LRRCC1: variants seen among roughly 807,000 people sequenced by gnomAD.
The protein encoded by LRRCC1 is leucine rich repeat and coiled-coil centrosomal protein 1.
Under a neutral mutation model 126.0 loss-of-function variants are expected in LRRCC1, and 115 were observed. The observed-to-expected ratio is 0.91, with a 90% CI of 0.78 to 1.07. The LOEUF (loss-of-function observed/expected upper bound fraction) is 1.07. Among genes scored for constraint, LRRCC1 ranks in the 50% least tolerant of loss-of-function variants. LRRCC1 has a pLI of 0.00. For missense variants in LRRCC1, 1,172 were observed against 1,175.7 expected, an observed-to-expected ratio of 1.00 and a Z score of 0.05; for synonymous variants, 400 against 393.4, an observed-to-expected ratio of 1.02 and a Z score of -0.20.
At chr8:85,139,282 G>A (rs765536260) in intron 17 of LRRCC1, among the ~76,000 whole-genome samples, 1 of 151,954 alleles carries the variant, frequency 6.6e-6, no homozygotes, top group Non-Finnish European at 1.5e-5. Context: ...TTGTTTTTCC[G>A]AGACTGAGTT....
chr8:85,125,098 T>C (rs1217663299), intron 8 of LRRCC1, among the ~76,000 whole-genome samples, 159 bp downstream of exon 8: 2 of 152,208 alleles, frequency 1.3e-5, no homozygotes, highest in Admixed American at 6.5e-5. Context: ...TTTTATGTAA[T>C]GTTATTTTTG....
chr8:85,118,066 A>G (rs963327479), intron 6 of LRRCC1, among the ~76,000 whole-genome samples: 6 of 151,940 alleles, frequency 3.9e-5, no homozygotes, highest in Non-Finnish European at 8.8e-5. Flanking sequence ...CACTTTTCTT[A>G]TTTTTTGTCT....
intron 17 of LRRCC1, 119 bp downstream of exon 17, chr8:85,138,594 A>G: frequency 9.5e-7 from 1 of 1,051,876 alleles, no homozygotes; most frequent in South Asian, 1.7e-5. Context: ...ATTTGCCAAG[A>G]AGTTTATTTC....
chr8:85,136,009 A>G, intron 14 of LRRCC1, 46 bp downstream of exon 14: 3 of 1,446,666 alleles, frequency 2.1e-6, no homozygotes, highest in Non-Finnish European at 1.8e-6. Context: ...ATTCTTATAA[A>G]TGAGCAAATC....
In LRRCC1 at chr8:85,113,075, G is replaced by A. The variant is rs186950424; in HGVS notation, c.520G>A (p.Asp174Asn). 4.3e-4 allele frequency: 687 copies of A among 1,610,440 alleles called. 3 individuals carry two copies. The African/African-American group carries it at 7.9e-3, about 18-fold the overall frequency. The part of the protein sequence containing the change: ...TNLILEKDGD[D>N]NPVCRLPGYR... ...TCTTATTTTGGAGAAAGATGGAGAC[G>A]ATAATCCTGTCTGTCGACTGCCAGG... The change falls in exon 4 of 19, where the codon GAT (aspartate) becomes AAT (asparagine). Residue 174 changes from aspartate to asparagine, a missense_variant. Physicochemically the swap from Asp to Asn is conservative, Grantham distance 23. Transcript: ENST00000360375.
intron 11 of LRRCC1, among the ~76,000 whole-genome samples, chr8:85,130,452 G>A (rs975511542): frequency 2.0e-5 from 3 of 152,010 alleles, no homozygotes; most frequent in Admixed American, 2.0e-4. Flanking sequence ...CCCACCACCA[G>A]TATTTAAAGA....
At chr8:85,121,002 G>A (rs981234193) in intron 6 of LRRCC1, among the ~76,000 whole-genome samples, 7 of 152,126 alleles carry the variant, frequency 4.6e-5, no homozygotes, top group Admixed American at 3.3e-4. Context: ...TTTAACCTTT[G>A]GAGCAACTGC....
intron 4 of LRRCC1, 22 bp downstream of exon 4, chr8:85,113,121 T>C (rs750525075): frequency 1.3e-6 from 2 of 1,569,254 alleles, no homozygotes; most frequent in African/African-American, 1.4e-5. Flanking sequence ...TAATTTAATA[T>C]TTTTTCTAAC....
chr8:85,119,222 T>C (rs1809338358), intron 6 of LRRCC1, among the ~76,000 whole-genome samples: 1 of 152,098 alleles, frequency 6.6e-6, no homozygotes, highest in Non-Finnish European at 1.5e-5. Flanking sequence ...TTCATCTCAT[T>C]ATCAGCATAA....
At chr8:85,130,236 C>T (rs536231959) in intron 11 of LRRCC1, among the ~76,000 whole-genome samples, 178 bp downstream of exon 11, 7 of 150,980 alleles carry the variant, frequency 4.6e-5, no homozygotes, top group Middle Eastern at 3.4e-3. Flanking sequence ...CCCGAGTTCA[C>T]GCCATTCTCC....
At chr8:85,110,035 T>C in intron 2 of LRRCC1, 80 bp from the exon 3 acceptor site, 1 of 673,690 alleles carries the variant, frequency 1.5e-6, no homozygotes. Flanking sequence ...CAGTCTGAAA[T>C]AACATTGTAA....
chr8:85,136,817 A>C (rs1810905006), intron 14 of LRRCC1, among the ~76,000 whole-genome samples: 1 of 151,952 alleles, frequency 6.6e-6, no homozygotes, highest in Non-Finnish European at 1.5e-5. Flanking sequence ...AAAATTATGA[A>C]TAGCTAGATA....
intron 6 of LRRCC1, 122 bp from the exon 7 acceptor site, chr8:85,123,291 C>A (rs1587397554): frequency 4.6e-6 from 3 of 653,414 alleles, no homozygotes; most frequent in East Asian, 6.4e-5. Flanking sequence ...TCTTTAATAT[C>A]AAACATTTCT....
At chr8:85,126,593 A>G in intron 8 of LRRCC1, 96 bp from the exon 9 acceptor site, 1 of 965,048 alleles carries the variant, frequency 1.0e-6, no homozygotes, top group African/African-American at 1.7e-5. Flanking sequence ...TCTTTGAAGT[A>G]GGTACTATTA....
chr8:85,144,476 T>A (rs11989293), intron 18 of LRRCC1, among the ~76,000 whole-genome samples: 5,128 of 27,068 alleles, frequency 0.19, 84 homozygotes, highest in South Asian at 0.33. Flanking sequence ...ATATATATAT[T>A]TTTTTTTTTT....
chr8:85,135,803 C>T lies in LRRCC1; in HGVS notation c.2169C>T (p.Thr723=). 2 of 1,541,952 alleles carry T rather than the reference C, an allele frequency of 1.3e-6. No individual in the cohort carries two copies. The highest frequency in any genetic ancestry group is 1.7e-6 in the Non-Finnish European group (2 of 1,143,942). ...GGAATATACAGAATCAAATCAACACCCTTGAAATTTTAATTGAAGATGACA... is the reference window on the plus strand; with the variant it reads ...GGAATATACAGAATCAAATCAACACTCTTGAAATTTTAATTGAAGATGACA... ...TAANLQNQIN[T]LEILIEDDKQ... is the part of the protein sequence containing the mutation. Residue 723 remains threonine (T), a synonymous_variant, in exon 14 of 19, where the codon ACC becomes ACT. Coordinates refer to ENST00000360375, the MANE Select transcript of LRRCC1 (RefSeq NM_033402.5).
intron 8 of LRRCC1, among the ~76,000 whole-genome samples, chr8:85,125,929 A>G (rs527282586): frequency 5.9e-5 from 9 of 152,202 alleles, no homozygotes; most frequent in South Asian, 4.2e-4. Flanking sequence ...CTTTGGACAC[A>G]CTTCATCTTT....
chr8:85,143,634 C>A (rs1423656085), intron 18 of LRRCC1, among the ~76,000 whole-genome samples: 1 of 152,106 alleles, frequency 6.6e-6, no homozygotes, highest in Non-Finnish European at 1.5e-5. Flanking sequence ...AATATCCTAT[C>A]TCAAAATTTT....
At chr8:85,128,503 G>A (rs190235925) in intron 9 of LRRCC1, among the ~76,000 whole-genome samples, 34 of 141,770 alleles carry the variant, frequency 2.4e-4, no homozygotes, top group Admixed American at 1.2e-3. Flanking sequence ...CCTTGGTAGG[G>A]ACTCTGTATC....
Sources: allele counts gnomAD v4.1 joint callset (sites outside exome capture counted in the v4.1 genomes callset), GRCh38; gene constraint gnomAD v4.1.1; transcripts MANE v1.5; gene names NCBI Gene and HGNC (gene_info 2026-07-23, HGNC 2026-07-21).